The following PCDH15 variants were observed in gnomAD, a reference collection of about 807,000 sequenced individuals.
PCDH15 encodes the protein protocadherin-15.
Under a neutral mutation model 178.5 loss-of-function variants are expected in PCDH15, and 129 were observed. The ratio of observed to expected loss-of-function variants is 0.72; its 90% CI spans 0.63 to 0.84. The LOEUF is 0.84. Ranked by LOEUF, PCDH15 falls within the 40% of genes least tolerant of loss-of-function variation. The pLI is 0.00. For missense variants in PCDH15, 2,230 were observed against 2,099.9 expected (o/e 1.06, Z -1.21); for synonymous variants, 800 against 732.0 (o/e 1.09, Z -1.50).
chr10:55,475,670 A>G (rs1162978486), intron 2 of PCDH15, among the ~76,000 whole-genome samples: 1 of 152,174 alleles, frequency 6.6e-6, no homozygotes, highest in Non-Finnish European at 1.5e-5. Flanking sequence ...AGTGAAGGAT[A>G]AATGAATTTC....
intron 2 of PCDH15, among the ~76,000 whole-genome samples, chr10:54,582,404 C>CA (rs2091119142): frequency 6.6e-6 from 1 of 151,978 alleles, no homozygotes; most frequent in East Asian, 1.9e-4. Context: ...AAATTTACAG[C>CA]TTCAGTAACA....
At chr10:55,049,529 A>G (rs1245276379) in intron 2 of PCDH15, among the ~76,000 whole-genome samples, 2 of 151,930 alleles carry the variant, frequency 1.3e-5, no homozygotes, top group African/African-American at 4.8e-5. Context: ...AGTCTCACGG[A>G]GAAAAGTGCA....
chr10:54,442,414 CTATATATATATATATATATATATATATA>C (rs71007859), intron 3 of PCDH15, among the ~76,000 whole-genome samples: 547 of 19,200 alleles, frequency 0.028, 52 homozygotes, highest in African/African-American at 0.1. Context: ...GCCTTAAAGG[CTATATATATATATATATATATATATATA>C]TATATATATA....
chr10:54,083,593 G>A (rs1173165513), intron 16 of PCDH15, among the ~76,000 whole-genome samples: 2 of 152,172 alleles, frequency 1.3e-5, no homozygotes, highest in African/African-American at 2.4e-5. Context: ...GATGAAGCCA[G>A]TACGCAGATT....
intron 2 of PCDH15, among the ~76,000 whole-genome samples, chr10:54,650,234 G>A (rs1178346144): frequency 1.3e-5 from 2 of 152,010 alleles, no homozygotes; most frequent in Non-Finnish European, 2.9e-5. Context: ...AAAATCACAG[G>A]ACAGCATGTG....
chr10:54,908,750 A>T (rs954666545), intron 2 of PCDH15, among the ~76,000 whole-genome samples: 1 of 152,124 alleles, frequency 6.6e-6, no homozygotes, highest in Non-Finnish European at 1.5e-5. Flanking sequence ...CTCTCAGCAG[A>T]GAGGGTAGCT....
At chr10:55,239,227 A>G (rs1841479639) in intron 1 of PCDH15, among the ~76,000 whole-genome samples, 1 of 152,170 alleles carries the variant, frequency 6.6e-6, no homozygotes, top group South Asian at 2.1e-4. Context: ...TCATATTCCA[A>G]TATGTATACG....
At chr10:53,844,456 C>T (rs1276954314) in intron 28 of PCDH15, among the ~76,000 whole-genome samples, 1 of 151,616 alleles carries the variant, frequency 6.6e-6, no homozygotes, top group Admixed American at 6.6e-5. Context: ...AAAACTTTGA[C>T]CAAAAAGAAA....
intron 2 of PCDH15, among the ~76,000 whole-genome samples, chr10:55,520,835 T>C (rs1258463936): frequency 2.0e-5 from 3 of 151,902 alleles, no homozygotes; most frequent in Admixed American, 6.6e-5. Flanking sequence ...ATTAACAAAA[T>C]GTGTATATAT....
intron 1 of PCDH15, among the ~76,000 whole-genome samples, chr10:54,701,299 T>C (rs1179896482): frequency 6.6e-6 from 1 of 152,090 alleles, no homozygotes; most frequent in Non-Finnish European, 1.5e-5. Context: ...AAAGAGGTCC[T>C]TAAAGGAGTG....
chr10:54,084,593 AC>A (rs1415670382), intron 16 of PCDH15, among the ~76,000 whole-genome samples: 2 of 152,170 alleles, frequency 1.3e-5, no homozygotes, highest in East Asian at 3.9e-4. Flanking sequence ...ACAGAGTAAT[AC>A]CCAGTCTTAA....
At chr10:55,447,338 A>G (rs929401932) in intron 2 of PCDH15, among the ~76,000 whole-genome samples, 1 of 152,084 alleles carries the variant, frequency 6.6e-6, no homozygotes, top group Admixed American at 6.6e-5. Flanking sequence ...TTCTATATCC[A>G]GGCAATTTAT....
intron 20 of PCDH15, among the ~76,000 whole-genome samples, chr10:54,007,043 T>C (rs1290835829): frequency 6.6e-6 from 1 of 152,228 alleles, no homozygotes; most frequent in Non-Finnish European, 1.5e-5. Context: ...AGACAAGTTC[T>C]TTATACTCCT....
intron 2 of PCDH15, among the ~76,000 whole-genome samples, chr10:54,947,156 C>T (rs987199352): frequency 1.3e-5 from 2 of 151,752 alleles, no homozygotes; most frequent in Admixed American, 6.6e-5. Context: ...AATAGTAAGA[C>T]GTAATAAGAC....
intron 8 of PCDH15, among the ~76,000 whole-genome samples, chr10:54,257,349 A>G (rs1015124798): frequency 6.8e-6 from 1 of 147,626 alleles, no homozygotes; most frequent in Non-Finnish European, 1.5e-5. Flanking sequence ...TTTAACATAT[A>G]TTTTATTTCA....
intron 2 of PCDH15, among the ~76,000 whole-genome samples, chr10:54,550,187 G>GTTTGT (rs544199156): frequency 7.9e-5 from 12 of 152,186 alleles, no homozygotes; most frequent in East Asian, 3.9e-4. Flanking sequence ...TTTAAAAAGA[G>GTTTGT]TTTGTTTTGT....
At chr10:54,169,865 A>G (rs926200841) in intron 13 of PCDH15, among the ~76,000 whole-genome samples, 9 of 151,794 alleles carry the variant, frequency 5.9e-5, no homozygotes, top group Non-Finnish European at 1.3e-4. Flanking sequence ...TCCTAAAACC[A>G]GATAAGCCTT....
At chr10:54,912,652 T>C (rs1954837069) in intron 2 of PCDH15, among the ~76,000 whole-genome samples, 1 of 152,130 alleles carries the variant, frequency 6.6e-6, no homozygotes, top group African/African-American at 2.4e-5. Flanking sequence ...CAGAAATTGG[T>C]ACCAGAGAAG....
chr10:54,294,562 T>G (rs2133097817), intron 8 of PCDH15, among the ~76,000 whole-genome samples: 1 of 152,318 alleles, frequency 6.6e-6, no homozygotes, highest in African/African-American at 2.4e-5. Context: ...AAAAATCTAC[T>G]AAATCAATGA....
Sources: allele counts gnomAD v4.1 joint callset (sites outside exome capture counted in the v4.1 genomes callset), GRCh38; gene constraint gnomAD v4.1.1; transcripts MANE v1.5; gene names NCBI Gene and HGNC (gene_info 2026-07-23, HGNC 2026-07-21).